CHLSN: variants seen among roughly 807,000 people sequenced by gnomAD.
CHLSN encodes the protein cholesin, also known as protein cholesin.
At chr7:985,021 G>T in the CHLSN span, 1 of 1,612,084 alleles carries the variant, frequency 6.2e-7, no homozygotes, top group Non-Finnish European at 8.5e-7. Context: ...GCACAGCCTG[G>T]GCGTGGGCCG....
At chr7:984,483 C>A in the CHLSN span, 3 of 1,551,782 alleles carry the variant, frequency 1.9e-6, no homozygotes, top group Non-Finnish European at 2.6e-6. Flanking sequence ...TGACGGGGTT[C>A]GAGGCGGTCA....
the CHLSN span, among the ~76,000 whole-genome samples, chr7:1,008,910 C>CACA: frequency 1.5e-4 from 14 of 90,954 alleles, no homozygotes; most frequent in Admixed American, 4.4e-4. Context: ...ACGTACACAA[C>CACA]ACACGTATAC....
chr7:1,088,213 C>T, the CHLSN span: 1 of 152,388 alleles, frequency 6.6e-6, no homozygotes, highest in Non-Finnish European at 1.5e-5. This position sits in a 1 kb window ranked among gnomAD's most constrained non-coding sequence, Gnocchi z 4.5. Context: ...CTCAGGCATT[C>T]GGCAGGTCCA....
At chr7:1,089,787 A>G in the CHLSN span, among the ~76,000 whole-genome samples, 1 of 151,472 alleles carries the variant, frequency 6.6e-6, no homozygotes. Context: ...CAGCACTTCA[A>G]AACAATAACC....
At chr7:984,268 T>A in the CHLSN span, 1 of 1,131,380 alleles carries the variant, frequency 8.8e-7, no homozygotes, top group Admixed American at 2.8e-5. Context: ...CACCACTGGC[T>A]TTATGGCATC....
chr7:998,511 A>G, the CHLSN span, among the ~76,000 whole-genome samples: 1 of 129,860 alleles, frequency 7.7e-6, no homozygotes, highest in Non-Finnish European at 1.5e-5. Context: ...TCCAGGCTGC[A>G]GTGCAGTGGC....
At chr7:1,081,224 C>T in the CHLSN span, among the ~76,000 whole-genome samples, 8 of 152,198 alleles carry the variant, frequency 5.3e-5, no homozygotes, top group African/African-American at 7.2e-5. Context: ...GTGCCTAGGC[C>T]GGGTGGGGGT....
the CHLSN span, among the ~76,000 whole-genome samples, chr7:993,416 G>C: frequency 6.6e-6 from 1 of 152,190 alleles, no homozygotes; most frequent in African/African-American, 2.4e-5. Flanking sequence ...GGCTGCCAGC[G>C]CTCCAGGGAG....
the CHLSN span, among the ~76,000 whole-genome samples, chr7:1,130,806 C>T: frequency 6.6e-6 from 1 of 152,216 alleles, no homozygotes; most frequent in East Asian, 1.9e-4. Context: ...TGCTTCACCA[C>T]GGCCTCCAGC....
At chr7:1,092,131 C>G in the CHLSN span, 1 of 1,613,754 alleles carries the variant, frequency 6.2e-7, no homozygotes, top group Non-Finnish European at 8.5e-7. Context: ...CTTCATGTCG[C>G]TCTTCCTGCA....
chr7:1,086,507 C>T, the CHLSN span, among the ~76,000 whole-genome samples: 1 of 152,216 alleles, frequency 6.6e-6, no homozygotes, highest in African/African-American at 2.4e-5. Flanking sequence ...AAAATTAACA[C>T]AGCATTCTGT....
At chr7:1,134,665 G>A in the CHLSN span, among the ~76,000 whole-genome samples, 113 of 151,944 alleles carry the variant, frequency 7.4e-4, no homozygotes, top group African/African-American at 2.5e-3. Context: ...TCAGGAGATC[G>A]AGACCATCCT....
chr7:1,103,963 C>T, the CHLSN span, among the ~76,000 whole-genome samples: 1 of 152,174 alleles, frequency 6.6e-6, no homozygotes, highest in East Asian at 1.9e-4. Flanking sequence ...GGCCCCTGCC[C>T]AGGGAGTAAG....
At chr7:1,016,960 CA>C in the CHLSN span, among the ~76,000 whole-genome samples, 3 of 137,462 alleles carry the variant, frequency 2.2e-5, no homozygotes, top group Admixed American at 7.1e-5. Flanking sequence ...CAGCGCACAG[CA>C]GCACACGCCA....
At chr7:1,002,963 G>A in the CHLSN span, among the ~76,000 whole-genome samples, 1 of 96,582 alleles carries the variant, frequency 1.0e-5, no homozygotes, top group Non-Finnish European at 2.1e-5. Context: ...TCCTGTGGGT[G>A]AGTGGAGTCC....
chr7:1,093,372 C>A, the CHLSN span: 97 of 433,006 alleles, frequency 2.2e-4, no homozygotes, highest in Non-Finnish European at 4.1e-4. Flanking sequence ...AGCTAGCTAG[C>A]GCACCGCCGA....
At chr7:1,115,121 A>T in the CHLSN span, among the ~76,000 whole-genome samples, 1 of 152,258 alleles carries the variant, frequency 6.6e-6, no homozygotes, top group Non-Finnish European at 1.5e-5. Context: ...TTGCTTAAAA[A>T]TTCTCATCTT....
the CHLSN span, among the ~76,000 whole-genome samples, chr7:1,006,495 G>T: frequency 7.7e-6 from 1 of 130,420 alleles, no homozygotes. Context: ...CGGCCACAGC[G>T]CAGGGAAAGA....
the CHLSN span, chr7:997,783 TGGA>T: frequency 2.5e-6 from 4 of 1,605,612 alleles, no homozygotes; most frequent in South Asian, 2.2e-5. Context: ...GCCAGCAGGG[TGGA>T]GAAGTGCTCA....
Sources: gnomAD v4.1 joint callset for allele counts (sites outside exome capture counted in the v4.1 genomes callset) on GRCh38, gnomAD v4.1.1 for gene constraint, Gnocchi (gnomAD v3.1) non-coding constraint, MANE v1.5 for transcripts, NCBI Gene and HGNC (gene_info 2026-07-23, HGNC 2026-07-21) for gene names.